FBXL7: variants seen among roughly 807,000 people sequenced by gnomAD.
FBXL7 encodes the protein F-box/LRR-repeat protein 7.
A neutral mutation model predicts 38.3 loss-of-function variants in FBXL7; 12 were observed. The ratio of observed to expected loss-of-function variants is 0.31; its 90% CI spans 0.20 to 0.51. The LOEUF is 0.51. Ranked by LOEUF, FBXL7 falls within the 20% of genes least tolerant of loss-of-function variation. The pLI is 0.98. For synonymous variants in FBXL7, 297 were observed against 300.9 expected (o/e 0.99, Z 0.13); for missense variants, 567 against 676.4 (o/e 0.84, Z 1.79).
chr5:15,689,729 G>T (rs6892021), intron 2 of FBXL7, among the ~76,000 whole-genome samples: 103,206 of 152,132 alleles, frequency 0.68, 35,420 homozygotes, highest in East Asian at 0.79. Context: ...AAATTAATCA[G>T]AGTTGCTCAC....
intron 1 of FBXL7, among the ~76,000 whole-genome samples, chr5:15,533,831 A>C (rs776932108): frequency 1.3e-5 from 2 of 152,174 alleles, no homozygotes. Flanking sequence ...AAATCTGGCT[A>C]CTTTCTAAGC....
intron 1 of FBXL7, among the ~76,000 whole-genome samples, chr5:15,572,597 G>A (rs1738827570): frequency 6.6e-6 from 1 of 152,116 alleles, no homozygotes; most frequent in Non-Finnish European, 1.5e-5. Flanking sequence ...GGACCAGCAG[G>A]CGTAAGGGCC....
intron 1 of FBXL7, among the ~76,000 whole-genome samples, chr5:15,511,660 G>A (rs570299579): frequency 3.7e-4 from 56 of 152,264 alleles, no homozygotes; most frequent in African/African-American, 1.3e-3. Flanking sequence ...AAATTATAAG[G>A]CATTTCAGGA....
chr5:15,541,836 T>C (rs1330847359), intron 1 of FBXL7, among the ~76,000 whole-genome samples: 1 of 152,022 alleles, frequency 6.6e-6, no homozygotes, highest in Non-Finnish European at 1.5e-5. Flanking sequence ...TGAGCCACCA[T>C]GCCTGGCTCC....
At chr5:15,644,550 G>A (rs1725260713) in intron 2 of FBXL7, among the ~76,000 whole-genome samples, 1 of 152,104 alleles carries the variant, frequency 6.6e-6, no homozygotes, top group African/African-American at 2.4e-5. Context: ...GAGAGAGAGA[G>A]AGAGAAGGGG....
intron 2 of FBXL7, among the ~76,000 whole-genome samples, chr5:15,756,131 T>G (rs1294851423): frequency 6.6e-6 from 1 of 152,208 alleles, no homozygotes; most frequent in Non-Finnish European, 1.5e-5. Flanking sequence ...AGTTACTGAT[T>G]TATGTGTTTC....
At chr5:15,824,879 C>T (rs1200749331) in intron 2 of FBXL7, among the ~76,000 whole-genome samples, 1 of 152,118 alleles carries the variant, frequency 6.6e-6, no homozygotes, top group Non-Finnish European at 1.5e-5. Flanking sequence ...AATTGTCAGG[C>T]CAATCTTTTC....
rs780230488 is a variant in FBXL7 at position 15,936,488 on chromosome 5, G to A, written c.778G>A (p.Ala260Thr). Reference sequence around the variant, plus strand: ...GACCTGCATCAGCTTGACCCGGGAGGCCTCCATTAAACTGTCACCCTTGCA... The same window carrying A: ...GACCTGCATCAGCTTGACCCGGGAGACCTCCATTAAACTGTCACCCTTGCA... ...KVTCISLTRE[A>T]SIKLSPLHGK... The change falls in exon 4 of 4, where the codon GCC (alanine) becomes ACC (threonine). Residue 260 changes from alanine to threonine, a missense_variant. Coordinates refer to ENST00000504595, the MANE Select transcript of FBXL7 (RefSeq NM_012304.5). This position sits in a 1 kb window ranked among gnomAD's most constrained non-coding sequence, Gnocchi z 6.0. 6.3e-5 allele frequency: 101 copies of A among 1,613,288 alleles called. No individual in the cohort carries two copies. Among genetic ancestry groups the A allele is most frequent in the Middle Eastern group, 4.9e-4 (3 of 6,062 alleles).
At chr5:15,724,722 T>C (rs755392649) in intron 2 of FBXL7, among the ~76,000 whole-genome samples, 3 of 152,220 alleles carry the variant, frequency 2.0e-5, no homozygotes, top group Non-Finnish European at 4.4e-5. Flanking sequence ...AATTAATGAA[T>C]ATTGGATGTT....
At position 15,938,684 on chromosome 5, in the gene FBXL7, C is replaced by T. The variant is rs1292004918; in HGVS notation, c.*1498C>T. On this transcript the variant is annotated 3_prime_UTR_variant, in exon 4 of 4. Transcript: ENST00000504595. ...CTGAGATGACTTAGACTCTGGTCCA[C>T]CAACCAGACCCTTGGAAAGGAATAC... 2 of 236,500 alleles carry T rather than the reference C, an allele frequency of 8.5e-6. No homozygotes were observed. Among genetic ancestry groups the T allele is most frequent in the East Asian group, 1.6e-4 (2 of 12,726 alleles). 14.7% of individuals were successfully genotyped at this position (236,500 alleles called of 1,614,324 possible). A position where few individuals can be genotyped will look rare whatever the true frequency, so the allele number is the denominator to read the frequency against.
intron 2 of FBXL7, among the ~76,000 whole-genome samples, chr5:15,845,654 G>A (rs1013711468): frequency 6.6e-6 from 1 of 152,110 alleles, no homozygotes; most frequent in Non-Finnish European, 1.5e-5. Flanking sequence ...TAAAATCAAA[G>A]ATTATTTATT....
At chr5:15,669,181 AT>A (rs1554013490) in intron 2 of FBXL7, among the ~76,000 whole-genome samples, 1 of 152,060 alleles carries the variant, frequency 6.6e-6, no homozygotes, top group African/African-American at 2.4e-5. Context: ...CCTATCAATA[AT>A]TTTTTTTAAA....
chr5:15,723,076 T>C (rs1744246080), intron 2 of FBXL7, among the ~76,000 whole-genome samples: 2 of 152,148 alleles, frequency 1.3e-5, no homozygotes, highest in African/African-American at 2.4e-5. Flanking sequence ...TTATAAAATA[T>C]TATGGTAAAT....
chr5:15,566,287 G>C (rs1738569148), intron 1 of FBXL7, among the ~76,000 whole-genome samples: 1 of 152,128 alleles, frequency 6.6e-6, no homozygotes, highest in Non-Finnish European at 1.5e-5. Context: ...CCCGGCCTGT[G>C]CTCCGCTGCC....
Position 15,694,548 on chromosome 5 carries a change from A to T in FBXL7, c.127+78476A>T, listed in dbSNP as rs1579384249. 2.0e-5 allele frequency among the ~76,000 whole-genome samples: 3 copies of T among 152,318 alleles called. No homozygotes were observed. In the Middle Eastern group the frequency reaches 0.01, roughly 518 times the overall value. On this transcript the variant is annotated intron_variant, in intron 2 of 3. Coordinates refer to ENST00000504595, the MANE Select transcript of FBXL7 (RefSeq NM_012304.5). The stretch of plus-strand genomic sequence containing the variant: ...GAAAGTGTTTTAATCCTTTAACTAG[A>T]CCTTGGAAGTCAGCTTCCAGGAGCA...
At chr5:15,913,255 GTT>G (rs10711947) in intron 2 of FBXL7, among the ~76,000 whole-genome samples, 13 of 126,004 alleles carry the variant, frequency 1.0e-4, no homozygotes, top group South Asian at 2.8e-4. Flanking sequence ...TTTTTTTAAT[GTT>G]TTTTTTTATT....
At chr5:15,550,036 G>A (rs896537037) in intron 1 of FBXL7, among the ~76,000 whole-genome samples, 1 of 152,146 alleles carries the variant, frequency 6.6e-6, no homozygotes. Context: ...TGTACAAAAA[G>A]GCTTTAGATA....
intron 1 of FBXL7, among the ~76,000 whole-genome samples, chr5:15,550,981 A>G (rs180991311): frequency 9.2e-5 from 14 of 152,372 alleles, no homozygotes; most frequent in Non-Finnish European, 1.9e-4. Context: ...GCTTTTGGCC[A>G]TGCAAAACAG....
intron 1 of FBXL7, among the ~76,000 whole-genome samples, chr5:15,604,753 T>G (rs1739949083): frequency 1.3e-5 from 2 of 152,194 alleles, no homozygotes; most frequent in African/African-American, 4.8e-5. Context: ...AGTAGGAATT[T>G]CCATTTCACA....
Sources: gnomAD v4.1 joint callset for allele counts (sites outside exome capture counted in the v4.1 genomes callset) on GRCh38, gnomAD v4.1.1 for gene constraint, Gnocchi (gnomAD v3.1) non-coding constraint, MANE v1.5 for transcripts, NCBI Gene and HGNC (gene_info 2026-07-23, HGNC 2026-07-21) for gene names.